SEC61A2: variants seen among roughly 807,000 people sequenced by gnomAD.
The protein encoded by SEC61A2 is SEC61 translocon subunit alpha 2.
In SEC61A2, 28 loss-of-function variants were observed where a neutral mutation model predicts 59.9. The observed-to-expected ratio is 0.47, with a 90% CI of 0.35 to 0.64. The LOEUF is 0.64. Among genes scored for constraint, SEC61A2 ranks in the 30% least tolerant of loss-of-function variants. The probability of loss-of-function intolerance (pLI) is 0.01; values close to 1 mark genes in which losing one functional copy is unlikely to be tolerated. For missense variants in SEC61A2, 340 were observed against 585.9 expected, an observed-to-expected ratio of 0.58 and a Z score of 4.33; for synonymous variants, 202 against 214.4, an observed-to-expected ratio of 0.94 and a Z score of 0.50.
rs1190314477 is a variant in SEC61A2, at chr10:12,156,972, C to T, written c.682C>T (p.Arg228Ter). ...HLLATRTDKV[R>*]ALREAFYRQN... ...GTTGGCCACCAGGACGGACAAAGTC[C>T]GAGCTTTACGGGAGGCTTTTTATCG... The change falls in exon 8 of 12, where the codon CGA becomes TGA. Residue 228 changes from arginine (R) to a stop codon, truncating the protein, a stop_gained. Coordinates refer to ENST00000298428, the MANE Select transcript of SEC61A2 (RefSeq NM_018144.4). LOFTEE classifies it high-confidence loss of function. This position sits in a 1 kb window ranked among gnomAD's most constrained non-coding sequence, Gnocchi z 5.2. The T allele has an allele frequency of 6.8e-6, 11 of 1,613,890 alleles. 1 individual carries two copies. The highest frequency in any genetic ancestry group is 1.7e-5 in the Admixed American group (1 of 59,982).
chr10:12,156,155 T>G lies in SEC61A2; in HGVS notation c.616+224T>G, dbSNP rs1834392628. On this transcript the variant is annotated intron_variant, in intron 7 of 11. Coordinates refer to ENST00000298428, the MANE Select transcript of SEC61A2 (RefSeq NM_018144.4). The surrounding 1 kb of genome is among the most constrained non-coding windows in gnomAD (Gnocchi z 5.2). ...AGCCTCTGCTTATTTAAAATTTCAG[T>G]GGTTGCAAACAGATTTTCAAAATTT... 6.6e-6 allele frequency among the ~76,000 whole-genome samples: 1 copy of G among 152,242 alleles called. No homozygotes were observed. The highest frequency in any genetic ancestry group is 1.5e-5 in the Non-Finnish European group (1 of 68,034).
rs1834058045 is a variant in SEC61A2, at chr10:12,143,058, T to C, written c.142-59T>C. 84 of 1,346,802 alleles carry C rather than the reference T, an allele frequency of 6.2e-5. No individual in the cohort carries two copies. The South Asian group carries it at 9.2e-4, about 15-fold the overall frequency. The allele number at this position is 1,346,802 out of a possible 1,614,324, so 83.4% of individuals were successfully genotyped here. ...GCCTTTGCCTCCTGGGTTCAAGCGA[T>C]TCTTATGCCTCAGCCTTATATAATA... is the stretch of plus-strand genomic sequence containing the variant. On this transcript the variant is annotated intron_variant, in intron 3 of 11. Transcript: ENST00000298428. This position sits in a 1 kb window ranked among gnomAD's most constrained non-coding sequence, Gnocchi z 4.8.
At chr10:12,131,096 C>T (rs2131639630) in intron 1 of SEC61A2, among the ~76,000 whole-genome samples, 1 of 152,300 alleles carries the variant, frequency 6.6e-6, no homozygotes, top group South Asian at 2.1e-4. Flanking sequence ...TCCCTTGAAC[C>T]CGGGAGGTGG....
At chr10:12,144,834 TG>T (rs1477096344) in intron 4 of SEC61A2, among the ~76,000 whole-genome samples, 1 of 152,116 alleles carries the variant, frequency 6.6e-6, no homozygotes, top group Admixed American at 6.6e-5. Context: ...GAAGATCACT[TG>T]AGGTCAGGAG....
At chr10:12,169,370 T>C, downstream of SEC61A2, 2 of 1,340,820 alleles carry the variant, frequency 1.5e-6, no homozygotes, top group Non-Finnish European at 2.1e-6. This position sits in a 1 kb window ranked among gnomAD's most constrained non-coding sequence, Gnocchi z 4.8. Context: ...TACGTCACCC[T>C]GCTTTCCACG....
At chr10:12,135,007 A>G (rs1833853522) in intron 2 of SEC61A2, among the ~76,000 whole-genome samples, 1 of 152,068 alleles carries the variant, frequency 6.6e-6, no homozygotes, top group South Asian at 2.1e-4. Flanking sequence ...ACGATGGGGA[A>G]CTTTAGTTAC....
In SEC61A2 at chr10:12,133,274, C is replaced by T. The variant is rs762361490; in HGVS notation, c.41C>T (p.Ala14Val). 3 of 1,558,122 alleles carry T rather than the reference C, an allele frequency of 1.9e-6. No homozygotes were observed. The highest frequency in any genetic ancestry group is 1.1e-5 in the South Asian group (1 of 88,450). The change falls in exon 2 of 12, where the codon GCA (alanine) becomes GTA (valine). Residue 14 changes from alanine to valine, a missense_variant. By Grantham distance (64) the Ala-to-Val change is moderately conservative. Coordinates refer to ENST00000298428, the MANE Select transcript of SEC61A2 (RefSeq NM_018144.4). The stretch of plus-strand genomic sequence containing the variant: ...TTAGAAGTTATCAAACCATTCTGTG[C>T]AGTTCTACCAGAAATTCAGAAACCG... ...KFLEVIKPFC[A>V]VLPEIQKPER... is the part of the protein sequence containing the mutation.
intron 9 of SEC61A2, among the ~76,000 whole-genome samples, chr10:12,159,736 C>T (rs1481443074): frequency 6.6e-6 from 1 of 152,066 alleles, no homozygotes; most frequent in Non-Finnish European, 1.5e-5. Context: ...TTCTTTGCCA[C>T]AGTAGGTAAT....
Position 12,156,564 on chromosome 10 carries a change from G to A in SEC61A2, c.617-343G>A, listed in dbSNP as rs1423841864. 2.0e-5 allele frequency among the ~76,000 whole-genome samples: 3 copies of A among 152,106 alleles called. No homozygotes were observed. The highest frequency in any genetic ancestry group is 3.9e-4 in the East Asian group (2 of 5,192). On this transcript the variant is annotated intron_variant, in intron 7 of 11. Transcript: ENST00000298428. The surrounding 1 kb of genome is among the most constrained non-coding windows in gnomAD (Gnocchi z 5.2). ...TATTCTGACATCTCTGCTCTGCTTC[G>A]CTGCTGTTTATTTTTCCTAAAAACA... is the stretch of plus-strand genomic sequence containing the variant.
chr10:12,167,932 A>T, downstream of SEC61A2: 1 of 1,449,792 alleles, frequency 6.9e-7, no homozygotes, highest in Admixed American at 2.9e-5. Flanking sequence ...GATGCTGGTG[A>T]TAACGTTTTT....
intron 2 of SEC61A2, among the ~76,000 whole-genome samples, chr10:12,135,877 G>A (rs576031071): frequency 1.2e-4 from 19 of 152,284 alleles, no homozygotes; most frequent in Non-Finnish European, 2.6e-4. Context: ...AAGCATCTGT[G>A]CATGTGTGTC....
chr10:12,133,395 T>C, intron 2 of SEC61A2, 87 bp downstream of exon 2: 1 of 652,252 alleles, frequency 1.5e-6, no homozygotes. Context: ...CCTCAGTCCT[T>C]CTCTGTTGGT....
Position 12,161,723 on chromosome 10 carries a change from G to A in SEC61A2, c.1168-490G>A, listed in dbSNP as rs1262988444. On this transcript the variant is annotated intron_variant, in intron 10 of 11. Coordinates refer to ENST00000298428, the MANE Select transcript of SEC61A2 (RefSeq NM_018144.4). This position sits in a 1 kb window ranked among gnomAD's most constrained non-coding sequence, Gnocchi z 5.4. Reference sequence around the variant, plus strand: ...GCCACTGAACTCCAGCCTGGCGACAGAGCTAGACTCCGTCTCCAAAATAAA... The same window carrying A: ...GCCACTGAACTCCAGCCTGGCGACAAAGCTAGACTCCGTCTCCAAAATAAA... 6.6e-6 allele frequency among the ~76,000 whole-genome samples: 1 copy of A among 152,150 alleles called. No individual in the cohort carries two copies. Among genetic ancestry groups the A allele is most frequent in the Non-Finnish European group, 1.5e-5 (1 of 68,026 alleles).
chr10:12,134,027 G>T (rs1370600533), intron 2 of SEC61A2, among the ~76,000 whole-genome samples: 1 of 151,888 alleles, frequency 6.6e-6, no homozygotes, highest in African/African-American at 2.4e-5. Flanking sequence ...TTATTTTTGA[G>T]ACGGAGTCTC....
rs907175957 is a variant in SEC61A2 at position 12,158,907 on chromosome 10, G to A, written c.975+802G>A. ...GAGATAGGCATGCTATTAACTAGAC[G>A]GTAGAGACAGCGGTGCTGCTAGTAA... On this transcript the variant is annotated intron_variant, in intron 9 of 11. Transcript: ENST00000298428. The surrounding 1 kb of genome is among the most constrained non-coding windows in gnomAD (Gnocchi z 5.7). Among the ~76,000 whole-genome samples, 6 of 152,026 alleles carry A rather than the reference G, an allele frequency of 3.9e-5. No individual in the cohort carries two copies. Among genetic ancestry groups the A allele is most frequent in the South Asian group, 4.2e-4 (2 of 4,818 alleles).
At chr10:12,157,878 C>G in intron 8 of SEC61A2, 30 bp from the exon 9 acceptor site, 2 of 1,601,076 alleles carry the variant, frequency 1.2e-6, no homozygotes, top group Non-Finnish European at 8.6e-7. Context: ...GTGTCTGGCT[C>G]CCCCACTTAC....
In SEC61A2 at chr10:12,153,808, A is replaced by C. The variant is rs756284944; in HGVS notation, c.463-1970A>C. 4.4e-6 allele frequency: 7 copies of C among 1,599,756 alleles called. No homozygotes were observed. Among genetic ancestry groups the C allele is most frequent in the Non-Finnish European group, 6.0e-6 (7 of 1,174,908 alleles). On this transcript the variant is annotated intron_variant, in intron 6 of 11. Transcript: ENST00000298428. This position sits in a 1 kb window ranked among gnomAD's most constrained non-coding sequence, Gnocchi z 5.2. Reference sequence around the variant, plus strand: ...TTGGATCAGTGTGTTTCACCCAGAAACATAGGTTTTGAAAACTGTTTGCAT... The same window carrying C: ...TTGGATCAGTGTGTTTCACCCAGAACCATAGGTTTTGAAAACTGTTTGCAT...
downstream of SEC61A2, chr10:12,169,244 C>T (rs1227688219): frequency 2.0e-6 from 3 of 1,529,226 alleles, no homozygotes; most frequent in Non-Finnish European, 1.8e-6. The surrounding 1 kb of genome is among the most constrained non-coding windows in gnomAD (Gnocchi z 4.8). Flanking sequence ...CTATTTTTTT[C>T]TCCCTTTTCT....
intron 3 of SEC61A2, among the ~76,000 whole-genome samples, chr10:12,141,051 C>T (rs1047125066): frequency 5.9e-5 from 9 of 152,104 alleles, no homozygotes; most frequent in African/African-American, 1.7e-4. Flanking sequence ...AGGCACGAGC[C>T]GCCACTCCCT....
Sources: gnomAD v4.1 joint callset for allele counts (sites outside exome capture counted in the v4.1 genomes callset) on GRCh38, gnomAD v4.1.1 for gene constraint, Gnocchi (gnomAD v3.1) non-coding constraint, MANE v1.5 for transcripts, NCBI Gene and HGNC (gene_info 2026-07-23, HGNC 2026-07-21) for gene names.